The following TMEM39B variants were observed in gnomAD, a reference collection of about 807,000 sequenced individuals.
TMEM39B encodes transmembrane protein 39B.
TMEM39B carries 23 observed loss-of-function variants against 52.2 expected under a neutral mutation model. The observed-to-expected ratio is 0.44, with a 90% CI of 0.32 to 0.62. The LOEUF is 0.62. Ranked by LOEUF, TMEM39B falls within the 20% of genes least tolerant of loss-of-function variation. TMEM39B has a pLI of 0.06. For synonymous variants in TMEM39B, 285 were observed against 264.0 expected (o/e 1.08, Z -0.77); for missense variants, 547 against 642.0 (o/e 0.85, Z 1.60).
intron 5 of TMEM39B, among the ~76,000 whole-genome samples, chr1:32,089,381 C>T (rs1231325497): frequency 2.0e-5 from 3 of 151,944 alleles, no homozygotes; most frequent in African/African-American, 7.2e-5. Flanking sequence ...GTTTCTCTAC[C>T]TCTGCCTCCC....
Position 32,091,675 on chromosome 1 carries a change from G to A in TMEM39B, c.591G>A (p.Pro197=). The A allele has an allele frequency of 6.3e-7, 1 of 1,591,840 alleles. No individual in the cohort carries two copies. The highest frequency in any genetic ancestry group is 8.6e-7 in the Non-Finnish European group (1 of 1,166,498). ...CCCTCACCACCGTCTTCCCCAGCAG[G>A]TTTGGGATGTACATTCCGTTCCTGC... The part of the protein sequence containing the change: ...SFLNLLFLCY[P]FGMYIPFLQL... The change falls in exon 6 of 9, where the codon CCG becomes CCA. Residue 197 remains proline, a splice_region_variant and synonymous_variant. Coordinates refer to ENST00000336294, the MANE Select transcript of TMEM39B (RefSeq NM_018056.4).
At chr1:32,099,444 T>C (rs893686693) in intron 7 of TMEM39B, among the ~76,000 whole-genome samples, 2 of 152,156 alleles carry the variant, frequency 1.3e-5, no homozygotes, top group Non-Finnish European at 2.9e-5. Flanking sequence ...TGTACACATG[T>C]ACCCTAGAAC....
chr1:32,073,417 G>T (rs1639722826), intron 1 of TMEM39B: 2 of 524,056 alleles, frequency 3.8e-6, no homozygotes, highest in South Asian at 7.8e-5. Flanking sequence ...GGTTGGAGGG[G>T]TTACACTGGG....
In TMEM39B at chr1:32,075,611, C is replaced by T. The variant is rs1009960963; in HGVS notation, c.140C>T (p.Ser47Phe). The part of the protein sequence containing the change: ...TSVRSRTRSS[S>F]GTGLSSPPLA... The stretch of plus-strand genomic sequence containing the variant: ...TCCCTCCCCACTGTCAGGAGCAGTT[C>T]TGGAACAGGCCTCTCCAGCCCTCCT... The change falls in exon 3 of 9, where the codon TCT becomes TTT. Residue 47 changes from serine (S) to phenylalanine (F), a missense_variant. By Grantham distance (155) the Ser-to-Phe change is radical (BLOSUM62 -2). Transcript: ENST00000336294. The T allele has an allele frequency of 9.7e-6, 15 of 1,550,902 alleles. No homozygotes were observed. The African/African-American group carries it at 1.9e-4, about 20-fold the overall frequency.
chr1:32,093,557 G>A (rs542134508), intron 6 of TMEM39B, among the ~76,000 whole-genome samples: 2 of 150,726 alleles, frequency 1.3e-5, no homozygotes, highest in Non-Finnish European at 3.0e-5. Flanking sequence ...GACTACAGGT[G>A]TGCAGCACCA....
intron 7 of TMEM39B, among the ~76,000 whole-genome samples, chr1:32,097,445 C>T (rs1048737942): frequency 6.6e-6 from 1 of 150,574 alleles, no homozygotes; most frequent in African/African-American, 2.4e-5. Context: ...GTTCTCCTGC[C>T]TCAGCCTCCC....
At chr1:32,073,640 T>G in intron 1 of TMEM39B, 2 of 985,678 alleles carry the variant, frequency 2.0e-6, no homozygotes, top group Non-Finnish European at 2.4e-6. Context: ...CTAAGGGTGT[T>G]TGTGTGGGAT....
At chr1:32,089,131 A>AT (rs746806785) in intron 5 of TMEM39B, among the ~76,000 whole-genome samples, 6,463 of 130,188 alleles carry the variant, frequency 0.05, 250 homozygotes, top group African/African-American at 0.084. Flanking sequence ...AGAGCTGGGA[A>AT]TTTTTTTTTT....
At chr1:32,092,843 G>T (rs559081660) in intron 6 of TMEM39B, among the ~76,000 whole-genome samples, 10 of 152,298 alleles carry the variant, frequency 6.6e-5, no homozygotes, top group African/African-American at 1.9e-4. Flanking sequence ...GAAGTGACCT[G>T]TCCAAGGTCA....
In TMEM39B at chr1:32,091,776, G is replaced by C. The variant is rs772578342; in HGVS notation, c.692G>C (p.Gly231Ala). Residue 231 changes from glycine (G) to alanine (A), a missense_variant, in exon 6 of 9, where the codon GGC becomes GCC. Physicochemically the swap from Gly to Ala is moderately conservative, Grantham distance 60. Transcript: ENST00000336294. ...ASMGPREAVS[G>A]LAKSRDYLLT... Reference sequence around the variant, plus strand: ...ATGGGGCCCCGGGAGGCGGTCAGTGGCCTGGCAAAGAGCCGGGACTACCTC... The same window carrying C: ...ATGGGGCCCCGGGAGGCGGTCAGTGCCCTGGCAAAGAGCCGGGACTACCTC... 6.2e-7 allele frequency: 1 copy of C among 1,614,210 alleles called. No homozygotes were observed. The highest frequency in any genetic ancestry group is 8.5e-7 in the Non-Finnish European group (1 of 1,180,040).
At chr1:32,100,812 G>A (rs56934613) in intron 8 of TMEM39B, 13 of 454,294 alleles carry the variant, frequency 2.9e-5, no homozygotes, top group Non-Finnish European at 4.8e-5. Flanking sequence ...GATCACCTGA[G>A]GTCAGGAGTT....
intron 7 of TMEM39B, among the ~76,000 whole-genome samples, chr1:32,097,758 C>T (rs1322415533): frequency 2.0e-5 from 3 of 152,086 alleles, no homozygotes; most frequent in Non-Finnish European, 2.9e-5. Flanking sequence ...CATTCTCCTG[C>T]GTCAGCCTCC....
rs1639743597 is a variant in TMEM39B, at chr1:32,073,870, G to A, written c.4+819G>A. On this transcript the variant is annotated intron_variant, in intron 1 of 8. Transcript: ENST00000336294. ...ATGGAGGCTGCTGTGTTACTGTGAA[G>A]AGGTATGAACAGGTTATAACTTTTT... is the stretch of plus-strand genomic sequence containing the variant. The A allele has an allele frequency of 3.0e-6, 3 of 985,220 alleles. No individual in the cohort carries two copies. In the African/African-American group the frequency reaches 5.2e-5, roughly 17 times the overall value. 61.0% of individuals were successfully genotyped at this position (985,220 alleles called of 1,614,324 possible). A position where few individuals can be genotyped will look rare whatever the true frequency, so the allele number is the denominator to read the frequency against.
chr1:32,085,834 C>T (rs1640326441), intron 5 of TMEM39B, among the ~76,000 whole-genome samples: 1 of 151,616 alleles, frequency 6.6e-6, no homozygotes. Context: ...TGCTTGTTTT[C>T]CAAGTATAGT....
At chr1:32,102,104 T>A (rs182330716) in intron 8 of TMEM39B, among the ~76,000 whole-genome samples, 59 of 152,122 alleles carry the variant, frequency 3.9e-4, no homozygotes, top group Admixed American at 6.6e-4. Flanking sequence ...TTAAAAAAAA[T>A]TTTTTTAAAG....
chr1:32,097,568 G>C (rs1315808776), intron 7 of TMEM39B, among the ~76,000 whole-genome samples: 1 of 151,990 alleles, frequency 6.6e-6, no homozygotes, highest in Non-Finnish European at 1.5e-5. Flanking sequence ...CCAACCTCGT[G>C]ATCTGCCTGC....
intron 6 of TMEM39B, 151 bp downstream of exon 6, chr1:32,092,162 T>C: frequency 1.3e-6 from 1 of 750,854 alleles, no homozygotes; most frequent in Non-Finnish European, 2.1e-6. Context: ...CTCCATTTTA[T>C]TTTTTATTTT....
At position 32,099,520 on chromosome 1, in the gene TMEM39B, G is replaced by A. The variant is rs543120819; in HGVS notation, c.1116-922G>A. Among the ~76,000 whole-genome samples the A allele has an allele frequency of 7.4e-4, 112 of 152,248 alleles. No homozygotes were observed. In the Middle Eastern group the frequency reaches 0.01, roughly 14 times the overall value. On this transcript the variant is annotated intron_variant, in intron 7 of 8. Transcript: ENST00000336294. ...GGGAGTTTGAGAAAGGCTTTGTGGA[G>A]GAACCTGGGTTTTGAAAGATGATGA... is the stretch of plus-strand genomic sequence containing the variant.
upstream of TMEM39B, chr1:32,072,794 C>T: frequency 1.1e-5 from 6 of 538,118 alleles, no homozygotes; most frequent in South Asian, 1.1e-4. Flanking sequence ...GTCTCTTCAC[C>T]AGCAGCTGCA....
Sources: gnomAD v4.1 joint callset for allele counts (sites outside exome capture counted in the v4.1 genomes callset) on GRCh38, gnomAD v4.1.1 for gene constraint, MANE v1.5 for transcripts, NCBI Gene and HGNC (gene_info 2026-07-23, HGNC 2026-07-21) for gene names.